NT5DC2: variants seen among roughly 807,000 people sequenced by gnomAD.
The protein encoded by NT5DC2 is 5'-nucleotidase domain containing 2, also known as 5'-nucleotidase domain-containing protein 2.
NT5DC2 carries 41 observed loss-of-function variants against 70.0 expected under a neutral mutation model. The observed-to-expected ratio is 0.59, with a 90% CI of 0.46 to 0.76. The LOEUF (loss-of-function observed/expected upper bound fraction) is 0.76, where lower values mean the gene tolerates loss of function less well. Among genes scored for constraint, NT5DC2 ranks in the 30% least tolerant of loss-of-function variants. The pLI is 0.00. For missense variants in NT5DC2, 705 were observed against 783.2 expected, an observed-to-expected ratio of 0.90 and a Z score of 1.19; for synonymous variants, 299 against 310.4, an observed-to-expected ratio of 0.96 and a Z score of 0.39.
Position 52,533,538 on chromosome 3 carries a change from GC to G in NT5DC2, c.199del (p.Ala67LeufsTer22). ...SGADLSAHLW[A>X]RYQDMRRLVH... Reference sequence around the variant, plus strand: ...CAGTCTCCGCATGTCCTGGTAGCGAGCCCATAGGTGCGCGCTGAGGTCGGCG... The same window carrying G: ...CAGTCTCCGCATGTCCTGGTAGCGAGCCATAGGTGCGCGCTGAGGTCGGCG... On this transcript the variant is annotated frameshift_variant, in exon 1 of 14. Coordinates refer to ENST00000422318, the MANE Select transcript of NT5DC2 (RefSeq NM_001134231.2). LOFTEE classifies it high-confidence loss of function. 2 of 1,415,618 alleles carry G rather than the reference GC, an allele frequency of 1.4e-6. No individual in the cohort carries two copies. The highest frequency in any genetic ancestry group is 9.2e-7 in the Non-Finnish European group (1 of 1,084,556). The allele number at this position is 1,415,618 out of a possible 1,614,324, so 87.7% of individuals were successfully genotyped here. A position where few individuals can be genotyped will look rare whatever the true frequency, so the allele number is the denominator to read the frequency against.
chr3:52,527,041 G>T (rs2079285182), intron 10 of NT5DC2, among the ~76,000 whole-genome samples: 1 of 152,222 alleles, frequency 6.6e-6, no homozygotes, highest in South Asian at 2.1e-4. Flanking sequence ...GGGAAGCAAG[G>T]CACAGAGGTC....
chr3:52,530,821 T>G (rs1043080412), intron 1 of NT5DC2, among the ~76,000 whole-genome samples: 6 of 152,208 alleles, frequency 3.9e-5, no homozygotes. Flanking sequence ...GGGTGATATG[T>G]TTCCTGAGCC....
chr3:52,527,413 G>A, intron 9 of NT5DC2, 38 bp from the exon 10 acceptor site: 1 of 1,603,786 alleles, frequency 6.2e-7, no homozygotes. Context: ...CCAGTCTGTG[G>A]CTGGGCCACG....
chr3:52,525,008 C>T lies in NT5DC2; in HGVS notation c.1302G>A (p.Ser434=), dbSNP rs766030761. ...RIINTEQYMH[S]LTWQQALTGL... is the part of the protein sequence containing the mutation. ...CCGTGAGCGCCTGCTGCCACGTCAG[C>T]GAGTGCATGTACTGCTCCGTGTTGA... Residue 434 remains serine, a synonymous_variant, in exon 12 of 14, where the codon TCG becomes TCA. Coordinates refer to ENST00000422318, the MANE Select transcript of NT5DC2 (RefSeq NM_001134231.2). The T allele has an allele frequency of 5.3e-5, 85 of 1,610,512 alleles. No homozygotes were observed. Among genetic ancestry groups the T allele is most frequent in the Non-Finnish European group, 4.8e-5 (57 of 1,179,096 alleles).
chr3:52,529,195 G>A lies in NT5DC2; in HGVS notation c.372C>T (p.Pro124=), dbSNP rs368529682. The stretch of plus-strand genomic sequence containing the variant: ...TGTCACGGGCGGTACTGAAGATCTC[G>A]GGGTGCAGTGCGTCTGCATACTGGG... ...TLAQYADALH[P]EIFSTARDIL... is the part of the protein sequence containing the mutation. The change falls in exon 2 of 14, where the codon CCC becomes CCT. Residue 124 remains proline, a synonymous_variant. Coordinates refer to ENST00000422318, the MANE Select transcript of NT5DC2 (RefSeq NM_001134231.2). The surrounding 1 kb of genome is among the most constrained non-coding windows in gnomAD (Gnocchi z 4.1). 22 of 1,614,008 alleles carry A rather than the reference G, an allele frequency of 1.4e-5. No individual in the cohort carries two copies. The highest frequency in any genetic ancestry group is 1.2e-4 in the African/African-American group (9 of 74,914).
chr3:52,525,592 G>A (rs372086229), intron 10 of NT5DC2: 4 of 387,234 alleles, frequency 1.0e-5, no homozygotes, highest in African/African-American at 8.3e-5. Flanking sequence ...TGTTTGTAAG[G>A]TAGAAACTGC....
At position 52,528,283 on chromosome 3, in the gene NT5DC2, A is replaced by T. The variant is rs569551234; in HGVS notation, c.671T>A (p.Ile224Asn). 6.2e-7 allele frequency: 1 copy of T among 1,613,422 alleles called. No individual in the cohort carries two copies. The highest frequency in any genetic ancestry group is 2.2e-5 in the East Asian group (1 of 44,888). ...CAGAGCCATCTCCGGTAGCGAGAAG[A>T]TGTCCATGAACTGCTTAATGGAGGG... is the stretch of plus-strand genomic sequence containing the variant. ...KGPSIKQFMD[I>N]FSLPEMALLS... is the part of the protein sequence containing the mutation. The change falls in exon 6 of 14, where the codon ATC becomes AAC. Residue 224 changes from isoleucine to asparagine, a missense_variant. Coordinates refer to ENST00000422318, the MANE Select transcript of NT5DC2 (RefSeq NM_001134231.2).
rs2079391273 is a variant in NT5DC2, at chr3:52,533,689, C to T, written c.49G>A (p.Gly17Arg). 2 of 1,082,364 alleles carry T rather than the reference C, an allele frequency of 1.8e-6. No homozygotes were observed. The highest frequency in any genetic ancestry group is 5.9e-5 in the East Asian group (1 of 16,914). 67.0% of individuals were successfully genotyped at this position (1,082,364 alleles called of 1,614,324 possible). ...RAAARRWLLC[G>R]GHGGPRAASS... ...GCGGCTCGCGGCCCGCCGTGGCCTC[C>T]GCACAGCAGCCAGCGCCGAGCGGCC... The change falls in exon 1 of 14, where the codon GGA becomes AGA. Residue 17 changes from glycine to arginine, a missense_variant. Transcript: ENST00000422318.
intron 10 of NT5DC2, chr3:52,525,659 G>C (rs1575384267): frequency 1.3e-5 from 3 of 229,744 alleles, no homozygotes; most frequent in East Asian, 2.5e-4. Context: ...CAGTGCAGAG[G>C]GACCTGGCAG....
chr3:52,534,422 T>C, upstream of NT5DC2: 1 of 1,577,012 alleles, frequency 6.3e-7, no homozygotes, highest in South Asian at 1.1e-5. Flanking sequence ...CCGAGGGGCC[T>C]GCAGGGCAGC....
Position 52,529,246 on chromosome 3 carries a change from G to A in NT5DC2, c.321C>T (p.Tyr107=), listed in dbSNP as rs775656302. The part of the protein sequence containing the change: ...NEISLRDVEV[Y]GFDYDYTLAQ... ...CCAGGGTGTAGTCGTAGTCAAAGCCGTAGACCTCAACGTCACGCAGGCTGA... is the reference window on the plus strand; with the variant it reads ...CCAGGGTGTAGTCGTAGTCAAAGCCATAGACCTCAACGTCACGCAGGCTGA... Residue 107 remains tyrosine, a synonymous_variant, in exon 2 of 14, where the codon TAC becomes TAT. Coordinates refer to ENST00000422318, the MANE Select transcript of NT5DC2 (RefSeq NM_001134231.2). This position sits in a 1 kb window ranked among gnomAD's most constrained non-coding sequence, Gnocchi z 4.1. 6.2e-6 allele frequency: 10 copies of A among 1,614,034 alleles called. No homozygotes were observed. The East Asian group carries it at 1.1e-4, about 18-fold the overall frequency.
chr3:52,529,427 G>A lies in NT5DC2; in HGVS notation c.233-93C>T. 7.9e-7 allele frequency: 1 copy of A among 1,264,256 alleles called. No homozygotes were observed. The highest frequency in any genetic ancestry group is 1.3e-5 in the South Asian group (1 of 75,670). 78.3% of individuals were successfully genotyped at this position (1,264,256 alleles called of 1,614,324 possible). A position where few individuals can be genotyped will look rare whatever the true frequency, so the allele number is the denominator to read the frequency against. On this transcript the variant is annotated intron_variant, in intron 1 of 13. Transcript: ENST00000422318. This position sits in a 1 kb window ranked among gnomAD's most constrained non-coding sequence, Gnocchi z 4.1. ...GCACTCTGTGGGGACCTAGCCCTGT[G>A]AGCCTCAGAAACGCCCCACAATGGC...
At chr3:52,525,565 G>A (rs1247410388) in intron 10 of NT5DC2, 1 of 475,458 alleles carries the variant, frequency 2.1e-6, no homozygotes, top group East Asian at 3.9e-5. Context: ...CGTACCCCAG[G>A]TTAGGGATTA....
At chr3:52,530,897 C>A (rs1345572069) in intron 1 of NT5DC2, among the ~76,000 whole-genome samples, 4 of 152,164 alleles carry the variant, frequency 2.6e-5, no homozygotes, top group Admixed American at 1.3e-4. Flanking sequence ...GAGAAGGGAG[C>A]AGGCAGGACT....
At chr3:52,533,460 C>T in intron 1 of NT5DC2, 46 bp downstream of exon 1, 1 of 1,478,654 alleles carries the variant, frequency 6.8e-7, no homozygotes, top group Non-Finnish European at 9.0e-7. Flanking sequence ...GTCCATCAGT[C>T]CACGCGGAAG....
At position 52,533,119 on chromosome 3, in the gene NT5DC2, G is replaced by C. The variant is rs1378827300; in HGVS notation, c.232+387C>G. ...CCGTTCCGCCCGGCGCCGCTCGCTG[G>C]CTTTGTCCACAGCACTCTCCCGCCC... On this transcript the variant is annotated intron_variant, in intron 1 of 13. Transcript: ENST00000422318. Among the ~76,000 whole-genome samples, 3 of 152,096 alleles carry C rather than the reference G, an allele frequency of 2.0e-5. No homozygotes were observed. The South Asian group carries it at 6.2e-4, about 32-fold the overall frequency.
chr3:52,527,781 C>T, intron 8 of NT5DC2, 48 bp downstream of exon 8: 1 of 1,611,436 alleles, frequency 6.2e-7, no homozygotes, highest in South Asian at 1.1e-5. Context: ...CCCTCCCCAC[C>T]CAGAGCCCTG....
chr3:52,534,778 C>G (rs1362307529), upstream of NT5DC2: 3 of 1,278,040 alleles, frequency 2.3e-6, no homozygotes, highest in African/African-American at 4.4e-5. Flanking sequence ...GCGTTGTTTT[C>G]TGAGGTGGCC....
In NT5DC2 at chr3:52,528,497, A is replaced by T. The variant is rs932878886; in HGVS notation, c.591T>A (p.Tyr197Ter). Residue 197 changes from tyrosine to a stop codon, truncating the protein, a stop_gained, in exon 5 of 14, where the codon TAT (tyrosine) becomes TAA (stop). Transcript: ENST00000422318. LOFTEE classifies it high-confidence loss of function. ...PVPDEEVIEL[Y>*]GGTQHIPLYQ... ...ATAGTGGGATGTGCTGGGTACCCCC[A>T]TACAGCTCAATCACCTCCTCGTCTG... 1 of 1,613,552 alleles carries T rather than the reference A, an allele frequency of 6.2e-7. No individual in the cohort carries two copies. The highest frequency in any genetic ancestry group is 2.2e-5 in the East Asian group (1 of 44,854).
Sources: gnomAD v4.1 joint callset for allele counts (sites outside exome capture counted in the v4.1 genomes callset) on GRCh38, gnomAD v4.1.1 for gene constraint, Gnocchi (gnomAD v3.1) non-coding constraint, MANE v1.5 for transcripts, NCBI Gene and HGNC (gene_info 2026-07-23, HGNC 2026-07-21) for gene names.